SUMF1: variants seen among roughly 807,000 people sequenced by gnomAD.
SUMF1 encodes the protein formylglycine-generating enzyme.
In SUMF1, 48 loss-of-function variants were observed where a neutral mutation model predicts 47.6. That is an observed-to-expected ratio of 1.01 (90% CI 0.80 to 1.28). SUMF1 has a LOEUF of 1.28. SUMF1 is among the 50% of genes most tolerant of loss of function. The pLI is 0.00. For missense variants in SUMF1, 571 were observed against 485.4 expected (o/e 1.18, Z -1.66); for synonymous variants, 230 against 192.1 (o/e 1.20, Z -1.63).
chr3:4,392,084 T>G (rs1489420009), intron 7 of SUMF1, among the ~76,000 whole-genome samples: 1 of 152,148 alleles, frequency 6.6e-6, no homozygotes, highest in African/African-American at 2.4e-5. Context: ...CGCCTCAGCC[T>G]CCCAAAGTGC....
chr3:4,146,236 G>C (rs1694190302), intron 8 of SUMF1, among the ~76,000 whole-genome samples: 1 of 152,114 alleles, frequency 6.6e-6, no homozygotes, highest in Non-Finnish European at 1.5e-5. Context: ...ACAAGGCAGA[G>C]AGGGAAGGCA....
At chr3:4,152,582 C>T (rs1335880706) in intron 8 of SUMF1, among the ~76,000 whole-genome samples, 5 of 151,464 alleles carry the variant, frequency 3.3e-5, no homozygotes, top group Non-Finnish European at 7.4e-5. Context: ...CATGAGCCAC[C>T]GTGCCTGGCC....
rs781030009 is a variant in SUMF1 at position 4,301,198 on chromosome 3, A to T, written c.1014+75132T>A. Among the ~76,000 whole-genome samples, 96 of 152,174 alleles carry T rather than the reference A, an allele frequency of 6.3e-4. 3 individuals are homozygous for T. Among genetic ancestry groups the T allele is most frequent in the Non-Finnish European group, 1.2e-4 (8 of 68,032 alleles). ...GGGACTACTTGAGCTGAGCAGACAG[A>T]CAGTCCTGGGTAAAGGCACTGGAGA... On this transcript the variant is annotated intron_variant and NMD_transcript_variant, in intron 8 of 12. Transcript: ENST00000448413.
intron 8 of SUMF1, among the ~76,000 whole-genome samples, chr3:4,149,302 C>G (rs377541528): frequency 6.6e-6 from 1 of 152,164 alleles, no homozygotes; most frequent in South Asian, 2.1e-4. Flanking sequence ...AGAGCATTTA[C>G]AGCCCCATAA....
chr3:4,184,050 T>A (rs2600113), intron 8 of SUMF1, among the ~76,000 whole-genome samples: 1 of 151,464 alleles, frequency 6.6e-6, no homozygotes, highest in Admixed American at 6.6e-5. Context: ...TATGAGAATC[T>A]CTTGAACCTG....
chr3:4,253,474 C>T (rs1284731195), intron 8 of SUMF1, among the ~76,000 whole-genome samples: 1 of 152,100 alleles, frequency 6.6e-6, no homozygotes, highest in Admixed American at 6.6e-5. Flanking sequence ...CAGGGAGTTC[C>T]CTTTCCGAGT....
intron 8 of SUMF1, among the ~76,000 whole-genome samples, chr3:4,246,471 G>C (rs560424845): frequency 6.6e-6 from 1 of 151,796 alleles, no homozygotes; most frequent in African/African-American, 2.4e-5. Context: ...GCACAATCTC[G>C]GCTCACCATA....
chr3:4,310,823 A>G (rs1335870735), intron 8 of SUMF1, among the ~76,000 whole-genome samples: 1 of 152,232 alleles, frequency 6.6e-6, no homozygotes, highest in Non-Finnish European at 1.5e-5. Context: ...CCTTAAAAAT[A>G]TGTGCACCTT....
chr3:4,211,657 C>A (rs186836175), intron 8 of SUMF1, among the ~76,000 whole-genome samples: 5 of 152,192 alleles, frequency 3.3e-5, no homozygotes, highest in Admixed American at 3.3e-4. Flanking sequence ...CAAAAGATGC[C>A]ATTAGACTAT....
At chr3:4,145,386 C>G (rs1036250893) in intron 8 of SUMF1, among the ~76,000 whole-genome samples, 1 of 151,978 alleles carries the variant, frequency 6.6e-6, no homozygotes, top group South Asian at 2.1e-4. Context: ...ACTATGAACT[C>G]AGAGACCCCA....
chr3:4,070,241 C>A, intron 8 of SUMF1, among the ~76,000 whole-genome samples: 1 of 152,144 alleles, frequency 6.6e-6, no homozygotes, highest in East Asian at 1.9e-4. Context: ...CCCTAAAATA[C>A]ATAAAACCAA....
downstream of SUMF1, among the ~76,000 whole-genome samples, chr3:4,356,676 A>T (rs982757831): frequency 2.0e-5 from 3 of 152,148 alleles, no homozygotes; most frequent in Admixed American, 2.0e-4. Context: ...TGCAGAAGCA[A>T]TTTATTAGGT....
At chr3:4,265,922 G>A (rs1163140944) in intron 8 of SUMF1, among the ~76,000 whole-genome samples, 1 of 151,912 alleles carries the variant, frequency 6.6e-6, no homozygotes, top group African/African-American at 2.4e-5. Flanking sequence ...TGTAAGGAAG[G>A]GATCCAGTTT....
At chr3:4,126,424 T>A (rs1693655790) in intron 8 of SUMF1, among the ~76,000 whole-genome samples, 1 of 152,152 alleles carries the variant, frequency 6.6e-6, no homozygotes. Flanking sequence ...AACACAACTA[T>A]ACATAGAATT....
At chr3:4,198,814 C>G (rs1015824427) in intron 8 of SUMF1, among the ~76,000 whole-genome samples, 11 of 151,978 alleles carry the variant, frequency 7.2e-5, no homozygotes, top group African/African-American at 2.2e-4. Flanking sequence ...TAATGTACAT[C>G]TGCTCTGGGG....
intron 8 of SUMF1, among the ~76,000 whole-genome samples, chr3:4,262,547 G>A (rs2125025119): frequency 6.6e-6 from 1 of 152,236 alleles, no homozygotes; most frequent in Non-Finnish European, 1.5e-5. Context: ...ATCCCTCTCT[G>A]GCTCCTGGCT....
At chr3:4,232,483 A>G (rs546861565) in intron 8 of SUMF1, among the ~76,000 whole-genome samples, 2 of 152,200 alleles carry the variant, frequency 1.3e-5, no homozygotes, top group African/African-American at 4.8e-5. Flanking sequence ...TTCCATAGAG[A>G]GACAAGCACC....
At chr3:4,105,952 CA>C (rs1226925075) in intron 8 of SUMF1, among the ~76,000 whole-genome samples, 4 of 151,938 alleles carry the variant, frequency 2.6e-5, no homozygotes, top group African/African-American at 9.7e-5. Flanking sequence ...AATTTTTACT[CA>C]AAATTATGTT....
intron 7 of SUMF1, among the ~76,000 whole-genome samples, chr3:4,379,280 T>G (rs1418524746): frequency 1.3e-5 from 2 of 152,214 alleles, no homozygotes; most frequent in Non-Finnish European, 2.9e-5. Flanking sequence ...TTGTAATTTT[T>G]GTAATTAATA....
Sources: gnomAD v4.1 joint callset for allele counts (sites outside exome capture counted in the v4.1 genomes callset) on GRCh38, gnomAD v4.1.1 for gene constraint, MANE v1.5 for transcripts, NCBI Gene and HGNC (gene_info 2026-07-23, HGNC 2026-07-21) for gene names.